TEDC1: variants seen among roughly 807,000 people sequenced by gnomAD.
TEDC1 encodes the protein tubulin epsilon and delta complex protein 1.
In TEDC1, 54 loss-of-function variants were observed where a neutral mutation model predicts 59.9. The observed-to-expected ratio is 0.90, with a 90% CI of 0.72 to 1.13. The LOEUF (loss-of-function observed/expected upper bound fraction) is 1.13. Ranked by LOEUF, TEDC1 falls within the 50% of genes most tolerant of loss-of-function variation. The pLI is 0.00. For synonymous variants in TEDC1, 353 were observed against 298.1 expected, an observed-to-expected ratio of 1.18 and a Z score of -1.90; for missense variants, 734 against 683.4, an observed-to-expected ratio of 1.07 and a Z score of -0.83.
Position 105,498,863 on chromosome 14 carries a change from C to T in TEDC1, c.1405C>T (p.Leu469=). The T allele has an allele frequency of 6.2e-7, 1 of 1,612,178 alleles. No individual in the cohort carries two copies. Among genetic ancestry groups the T allele is most frequent in the Non-Finnish European group, 8.5e-7 (1 of 1,179,722 alleles). The change falls in exon 9 of 9, where the codon CTA becomes TTA. Residue 469 remains leucine (L), a synonymous_variant. Coordinates refer to ENST00000392523, the MANE Select transcript of TEDC1 (RefSeq NM_001367178.1). ...EACLEAVLRR[L]QGQCRQELAR... ...CTGCCTGGAGGCGGTGCTACGTCGA[C>T]TACAGGGACAGTGTCGGCAGGAACT...
At chr14:105,493,997 CCCAGG>C in intron 5 of TEDC1, 64 bp downstream of exon 5, 1 of 776,452 alleles carries the variant, frequency 1.3e-6, no homozygotes, top group East Asian at 4.8e-5. Flanking sequence ...AGGGGGACTG[CCCAGG>C]GTGGGAGGGG....
At chr14:105,495,496 C>T (rs2084324176) in intron 5 of TEDC1, 1 of 213,254 alleles carries the variant, frequency 4.7e-6, no homozygotes. Context: ...CACTCATGGG[C>T]TTACAGGGCC....
Position 105,497,781 on chromosome 14 carries a change from C to T in TEDC1, c.979-17C>T, listed in dbSNP as rs1285086650. On this transcript the variant is annotated splice_polypyrimidine_tract_variant and intron_variant, in intron 7 of 8. Transcript: ENST00000392523. ...CCCCTTGGCTTGGTGCACGCTGTCT[C>T]ACTTGGGTCTCTGTAGGACACGGTC... is the stretch of plus-strand genomic sequence containing the variant. 1 of 1,526,778 alleles carries T rather than the reference C, an allele frequency of 6.5e-7. No homozygotes were observed. Among genetic ancestry groups the T allele is most frequent in the South Asian group, 1.3e-5 (1 of 79,752 alleles). 94.6% of individuals were successfully genotyped at this position (1,526,778 alleles called of 1,614,324 possible). A position where few individuals can be genotyped will look rare whatever the true frequency, so the allele number is the denominator to read the frequency against.
At chr14:105,493,114 C>T (rs1051392329) in intron 4 of TEDC1, among the ~76,000 whole-genome samples, 10 of 152,102 alleles carry the variant, frequency 6.6e-5, no homozygotes, top group Non-Finnish European at 1.2e-4. Context: ...GCCACCACAT[C>T]CTGGTGGGGG....
Position 105,498,733 on chromosome 14 carries a change from C to T in TEDC1, c.1275C>T (p.Ala425=). Reference sequence around the variant, plus strand: ...GCTGGGAGCGAGACGGTGGCCCGGCCCAGCCCCATGGGCCACACCGGCTGG... The same window carrying T: ...GCTGGGAGCGAGACGGTGGCCCGGCTCAGCCCCATGGGCCACACCGGCTGG... The part of the protein sequence containing the change: ...QQCWERDGGP[A]QPHGPHRLVR... Residue 425 remains alanine, a synonymous_variant, in exon 9 of 9, where the codon GCC becomes GCT. Transcript: ENST00000392523. 6.4e-7 allele frequency: 1 copy of T among 1,557,024 alleles called. No individual in the cohort carries two copies. Among genetic ancestry groups the T allele is most frequent in the Non-Finnish European group, 8.7e-7 (1 of 1,150,876 alleles).
In TEDC1 at chr14:105,497,905, G is replaced by T; in HGVS notation, c.1086G>T (p.Val362=). ...ERGGGELDLV[V]RELQALEEEL... ...GGGGTGGCGAGTTGGACCTGGTAGT[G>T]CGGGAGCTGCAGGCACTGGAGGAGG... The change falls in exon 8 of 9, where the codon GTG becomes GTT. Residue 362 remains valine, a synonymous_variant. Transcript: ENST00000392523. 2 of 1,553,990 alleles carry T rather than the reference G, an allele frequency of 1.3e-6. No homozygotes were observed. Among genetic ancestry groups the T allele is most frequent in the South Asian group, 1.2e-5 (1 of 84,350 alleles).
At chr14:105,497,174 A>G in intron 6 of TEDC1, 183 bp from the exon 7 acceptor site, 1 of 680,392 alleles carries the variant, frequency 1.5e-6, no homozygotes, top group Non-Finnish European at 2.6e-6. Flanking sequence ...CGTCCGCACC[A>G]CACCAGGGTG....
In TEDC1 at chr14:105,498,982, C is replaced by T. The variant is rs1555441187; in HGVS notation, c.*36C>T. On this transcript the variant is annotated 3_prime_UTR_variant, in exon 9 of 9. Transcript: ENST00000392523. ...ACGGGCCCTCGTGTGGGAAGCCTGC[C>T]CTGGCCCAGCCTGGCTGGGTCTTGG... 1.9e-6 allele frequency: 3 copies of T among 1,546,130 alleles called. No homozygotes were observed. In the African/African-American group the frequency reaches 4.1e-5, roughly 21 times the overall value.
At chr14:105,494,098 A>G in intron 5 of TEDC1, 165 bp downstream of exon 5, 2 of 635,358 alleles carry the variant, frequency 3.1e-6, no homozygotes, top group Admixed American at 2.6e-5. Context: ...GGTGACAGAC[A>G]GCTTCTCTGG....
At chr14:105,497,075 C>T (rs116504404) in intron 6 of TEDC1, 64 of 536,190 alleles carry the variant, frequency 1.2e-4, no homozygotes, top group Non-Finnish European at 1.8e-4. Context: ...TCCTCAGAGC[C>T]GGGGGGCAGC....
intron 7 of TEDC1, 52 bp from the exon 8 acceptor site, chr14:105,497,746 G>T: frequency 6.8e-7 from 1 of 1,468,626 alleles, no homozygotes; most frequent in Non-Finnish European, 9.1e-7. Flanking sequence ...TTTGCCCTCT[G>T]TCCCTCTGTC....
intron 4 of TEDC1, among the ~76,000 whole-genome samples, chr14:105,493,116 T>C (rs2084254988): frequency 6.6e-6 from 1 of 152,018 alleles, no homozygotes; most frequent in African/African-American, 2.4e-5. Context: ...CACCACATCC[T>C]GGTGGGGGCT....
intron 4 of TEDC1, 37 bp from the exon 5 acceptor site, chr14:105,493,798 C>G: frequency 6.7e-7 from 1 of 1,494,416 alleles, no homozygotes; most frequent in Non-Finnish European, 9.2e-7. Context: ...AGGTGCTTGA[C>G]TGCCACTCAG....
rs1354883800 is a variant in TEDC1, at chr14:105,491,730, G to A, written c.226+30G>A. 8.6e-6 allele frequency: 12 copies of A among 1,387,486 alleles called. No homozygotes were observed. In the African/African-American group the frequency reaches 1.9e-4, roughly 22 times the overall value. 85.9% of individuals were successfully genotyped at this position (1,387,486 alleles called of 1,614,324 possible). ...GCCCCGCTCCTGGCCCCGCCCACCC[G>A]GTAGCACTGGCCCCGCCTACTCCTG... On this transcript the variant is annotated intron_variant, in intron 2 of 8. Transcript: ENST00000392523.
chr14:105,496,252 G>A (rs1379309677), intron 6 of TEDC1, 166 bp downstream of exon 6: 16 of 720,848 alleles, frequency 2.2e-5, no homozygotes, highest in Non-Finnish European at 2.9e-5. Flanking sequence ...GTGTTGAAGC[G>A]GCCGTACCCA....
chr14:105,493,726 C>A, intron 4 of TEDC1, 109 bp from the exon 5 acceptor site: 1 of 751,260 alleles, frequency 1.3e-6, no homozygotes, highest in Non-Finnish European at 2.2e-6. Context: ...CCTCTTTCCT[C>A]ATCTGGGAGG....
At chr14:105,497,554 C>T (rs998632392) in intron 7 of TEDC1, 111 bp downstream of exon 7, 3 of 1,325,606 alleles carry the variant, frequency 2.3e-6, no homozygotes, top group Non-Finnish European at 2.1e-6. Flanking sequence ...TTTAGGGAGG[C>T]CACAGACCTA....
At chr14:105,492,884 C>G (rs184014847) in intron 4 of TEDC1, 150 bp downstream of exon 4, 9 of 1,187,398 alleles carry the variant, frequency 7.6e-6, no homozygotes, top group Admixed American at 2.7e-5. Flanking sequence ...AGCCTGAGCC[C>G]GTGGTTCCCG....
rs1555439172 is a variant in TEDC1, at chr14:105,491,276, GGTCCCA to G, written c.-98_-93del. On this transcript the variant is annotated 5_prime_UTR_variant, in exon 1 of 9. Coordinates refer to ENST00000392523, the MANE Select transcript of TEDC1 (RefSeq NM_001367178.1). Reference sequence around the variant, plus strand: ...CCAGCCGGAGCGGTAACTGGGCGCAGGTCCCAGCCGCCGCACTAAACCCGGCCCGTG... The same window carrying G: ...CCAGCCGGAGCGGTAACTGGGCGCAGGCCGCCGCACTAAACCCGGCCCGTG... 6.6e-7 allele frequency: 1 copy of G among 1,520,798 alleles called. No homozygotes were observed. The highest frequency in any genetic ancestry group is 8.8e-7 in the Non-Finnish European group (1 of 1,137,274). The allele number at this position is 1,520,798 out of a possible 1,614,324, so 94.2% of individuals were successfully genotyped here. A position where few individuals can be genotyped will look rare whatever the true frequency, so the allele number is the denominator to read the frequency against.
Sources: allele counts gnomAD v4.1 joint callset (sites outside exome capture counted in the v4.1 genomes callset), GRCh38; gene constraint gnomAD v4.1.1; transcripts MANE v1.5; gene names NCBI Gene and HGNC (gene_info 2026-07-23, HGNC 2026-07-21).